The following RYR2 variants were observed in gnomAD, a reference collection of about 807,000 sequenced individuals.
The protein encoded by RYR2 is ryanodine receptor 2, also known as cardiac muscle ryanodine receptor-calcium release channel.
In RYR2, 227 loss-of-function variants were observed where a neutral mutation model predicts 601.1. The ratio of observed to expected loss-of-function variants is 0.38; its 90% CI spans 0.34 to 0.42. The LOEUF is 0.42. RYR2 is among the 10% of genes least tolerant of loss of function. The pLI is 1.00. For missense variants in RYR2, 4,646 were observed against 6,156.5 expected, an observed-to-expected ratio of 0.75 and a Z score of 8.21; for synonymous variants, 2,223 against 2,175.1, an observed-to-expected ratio of 1.02 and a Z score of -0.61.
At chr1:237,745,966 C>T (rs1323000569) in intron 80 of RYR2, among the ~76,000 whole-genome samples, 1 of 151,702 alleles carries the variant, frequency 6.6e-6, no homozygotes, top group Non-Finnish European at 1.5e-5. Flanking sequence ...TTATAATTCA[C>T]ACCTAATTTA....
chr1:237,049,468 AG>A (rs751175286), intron 1 of RYR2, among the ~76,000 whole-genome samples: 1 of 151,988 alleles, frequency 6.6e-6, no homozygotes, highest in Non-Finnish European at 1.5e-5. Flanking sequence ...TAAAATGGGG[AG>A]GTTGTTTTCT....
At chr1:237,628,898 TA>T (rs1176430162) in intron 41 of RYR2, among the ~76,000 whole-genome samples, 2 of 151,710 alleles carry the variant, frequency 1.3e-5, no homozygotes, top group Admixed American at 6.6e-5. Flanking sequence ...AAAGAAGGGG[TA>T]GGGGGAACAA....
At chr1:237,145,492 T>G (rs1215449192) in intron 1 of RYR2, among the ~76,000 whole-genome samples, 1 of 151,810 alleles carries the variant, frequency 6.6e-6, no homozygotes, top group Non-Finnish European at 1.5e-5. Context: ...TATGCAAGAG[T>G]TTTTCTGATG....
chr1:237,592,894 A>G (rs956402973), intron 32 of RYR2, among the ~76,000 whole-genome samples: 8 of 151,294 alleles, frequency 5.3e-5, no homozygotes, highest in Admixed American at 4.6e-4. Context: ...CGTTGTGCAC[A>G]CCTGTAGTCC....
intron 1 of RYR2, among the ~76,000 whole-genome samples, chr1:237,046,720 A>G (rs1290166330): frequency 1.3e-5 from 2 of 152,220 alleles, no homozygotes; most frequent in Non-Finnish European, 2.9e-5. Flanking sequence ...ATTACCCAAG[A>G]AAGGACTCCA....
intron 29 of RYR2, among the ~76,000 whole-genome samples, chr1:237,575,170 T>G (rs1287029562): frequency 6.6e-6 from 1 of 152,210 alleles, no homozygotes; most frequent in Non-Finnish European, 1.5e-5. Context: ...CGTATAATTC[T>G]CTGAGTTCAT....
intron 4 of RYR2, among the ~76,000 whole-genome samples, chr1:237,357,289 G>T (rs544429179): frequency 6.6e-6 from 1 of 152,130 alleles, no homozygotes; most frequent in African/African-American, 2.4e-5. Context: ...CATTTTTCTT[G>T]TCTTGGTAAG....
intron 2 of RYR2, among the ~76,000 whole-genome samples, chr1:237,315,752 C>T (rs1348625672): frequency 2.6e-5 from 4 of 152,002 alleles, no homozygotes; most frequent in Non-Finnish European, 5.9e-5. Context: ...CATATCTGAG[C>T]TTGGAGCTGA....
chr1:237,479,829 C>T (rs1321289109), intron 17 of RYR2, among the ~76,000 whole-genome samples: 1 of 152,172 alleles, frequency 6.6e-6, no homozygotes, highest in Admixed American at 6.5e-5. Context: ...TGGATTTCCA[C>T]AGTTACTCTA....
intron 48 of RYR2, among the ~76,000 whole-genome samples, chr1:237,643,749 A>G (rs1412225405): frequency 6.6e-6 from 1 of 151,852 alleles, no homozygotes; most frequent in African/African-American, 2.4e-5. Context: ...AGTAGCTGGG[A>G]CTACAGGCGC....
chr1:237,433,165 C>A (rs1375051270), intron 12 of RYR2, among the ~76,000 whole-genome samples: 1 of 151,752 alleles, frequency 6.6e-6, no homozygotes, highest in Non-Finnish European at 1.5e-5. Flanking sequence ...TAGTTAAAAT[C>A]CAGCTACAAG....
chr1:237,755,164 C>T, intron 80 of RYR2: 3 of 1,170,736 alleles, frequency 2.6e-6, no homozygotes, highest in Non-Finnish European at 3.3e-6. Flanking sequence ...TTAAAGGTTT[C>T]TTTTTTCATT....
At chr1:237,139,840 G>GA (rs1316565339) in intron 1 of RYR2, among the ~76,000 whole-genome samples, 1 of 152,226 alleles carries the variant, frequency 6.6e-6, no homozygotes, top group African/African-American at 2.4e-5. Flanking sequence ...CTATGGTACT[G>GA]AAACTATGGT....
chr1:237,434,127 G>A (rs1192108277), intron 12 of RYR2, among the ~76,000 whole-genome samples: 2 of 152,170 alleles, frequency 1.3e-5, no homozygotes, highest in African/African-American at 4.8e-5. Context: ...CTAACTGTGT[G>A]AGACGGTATT....
chr1:237,126,144 G>GA (rs1479079560), intron 1 of RYR2, among the ~76,000 whole-genome samples: 1 of 152,078 alleles, frequency 6.6e-6, no homozygotes, highest in Non-Finnish European at 1.5e-5. Flanking sequence ...GGCTGACGCA[G>GA]GAGAATCGCT....
At position 237,801,833 on chromosome 1, in the gene RYR2, A is replaced by ACTT. The variant is rs1660008869; in HGVS notation, c.14091-23_14091-22insCTT. 41 of 1,366,218 alleles carry ACTT rather than the reference A, an allele frequency of 3.0e-5. 1 individual carries two copies. The highest frequency in any genetic ancestry group is 3.9e-5 in the Non-Finnish European group (39 of 989,250). The allele number at this position is 1,366,218 out of a possible 1,614,324, so 84.6% of individuals were successfully genotyped here. On this transcript the variant is annotated intron_variant, in intron 97 of 104. Transcript: ENST00000366574. Reference sequence around the variant, plus strand: ...CTTTGGTTAATGTGCATAACTACGCATTTTTTTTTTTTGTCATTGCAGACT... The same window carrying ACTT: ...CTTTGGTTAATGTGCATAACTACGCACTTTTTTTTTTTTTTGTCATTGCAGACT...
chr1:237,443,044 C>G (rs1708048969), intron 13 of RYR2, among the ~76,000 whole-genome samples: 1 of 152,160 alleles, frequency 6.6e-6, no homozygotes, highest in Non-Finnish European at 1.5e-5. Context: ...CTGCTGGTTT[C>G]TTTCTCAGGA....
chr1:237,358,523 C>T lies in RYR2; in HGVS notation c.294+2538C>T, dbSNP rs896757054. ...CTGTGGGCGCTTGGCATTGGTCTTT[C>T]GGGGAGCTTCTATCCCCAGAAAACT... On this transcript the variant is annotated intron_variant, in intron 4 of 104. Transcript: ENST00000366574. 8.6e-5 allele frequency among the ~76,000 whole-genome samples: 13 copies of T among 152,002 alleles called. No individual in the cohort carries two copies. The East Asian group carries it at 1.9e-3, about 23-fold the overall frequency.
intron 64 of RYR2, among the ~76,000 whole-genome samples, chr1:237,699,754 A>G (rs766345262): frequency 1.4e-4 from 21 of 152,232 alleles, no homozygotes; most frequent in Non-Finnish European, 2.5e-4. Context: ...GCATTAAGGT[A>G]TGAAGTTCAG....
Sources: allele counts gnomAD v4.1 joint callset (sites outside exome capture counted in the v4.1 genomes callset), GRCh38; gene constraint gnomAD v4.1.1; transcripts MANE v1.5; gene names NCBI Gene and HGNC (gene_info 2026-07-23, HGNC 2026-07-21).